AGBL1: variants seen among roughly 807,000 people sequenced by gnomAD.
AGBL1 encodes the protein cytosolic carboxypeptidase 4.
Under a neutral mutation model 118.9 loss-of-function variants are expected in AGBL1, and 130 were observed. That is an observed-to-expected ratio of 1.09 (90% CI 0.95 to 1.26). AGBL1 has a LOEUF of 1.26. Ranked by LOEUF, AGBL1 falls within the 50% of genes most tolerant of loss-of-function variation. The pLI, the probability that AGBL1 is intolerant of heterozygous loss-of-function variation, is 0.00. For missense variants in AGBL1, 1,584 were observed against 1,298.1 expected (o/e 1.22, Z -3.38); for synonymous variants, 555 against 478.9 (o/e 1.16, Z -2.08).
At chr15:86,570,408 G>A (rs1206793558) in intron 21 of AGBL1, among the ~76,000 whole-genome samples, 1 of 152,230 alleles carries the variant, frequency 6.6e-6, no homozygotes, top group Non-Finnish European at 1.5e-5. Context: ...ACACTCAAGA[G>A]AGAGTCATGT....
rs142099494 is a variant in AGBL1, at chr15:86,351,075, C to T, written c.2375-46291C>T. ...TGCATAGTTATGCCAGACCTACTGT[C>T]TTAGTCTGTTTTGTGCTGCTAGGCT... On this transcript the variant is annotated intron_variant, in intron 17 of 22. Transcript: ENST00000614907. Among the ~76,000 whole-genome samples, 399 of 152,318 alleles carry T rather than the reference C, an allele frequency of 2.6e-3. 2 individuals are homozygous for T. The highest frequency in any genetic ancestry group is 9.1e-3 in the African/African-American group (380 of 41,576).
chr15:87,022,886 G>A (rs2081680316), intron 24 of AGBL1, among the ~76,000 whole-genome samples: 1 of 151,916 alleles, frequency 6.6e-6, no homozygotes, highest in African/African-American at 2.4e-5. Flanking sequence ...GAAAGATACA[G>A]TCTTTTTCAG....
intron 11 of AGBL1, among the ~76,000 whole-genome samples, chr15:86,265,794 T>C (rs7181181): frequency 0.65 from 99,215 of 152,086 alleles, 34,260 homozygotes; most frequent in African/African-American, 0.87. Flanking sequence ...CACACCTCCC[T>C]TATGAACTGG....
chr15:86,539,228 T>C (rs1434651735), intron 19 of AGBL1, among the ~76,000 whole-genome samples: 4 of 152,238 alleles, frequency 2.6e-5, no homozygotes, highest in African/African-American at 9.6e-5. Context: ...TTTCTTCCTA[T>C]GTTCCTTGCC....
intron 18 of AGBL1, among the ~76,000 whole-genome samples, chr15:86,475,875 C>G (rs1373853613): frequency 1.3e-5 from 2 of 152,214 alleles, no homozygotes; most frequent in African/African-American, 2.4e-5. Context: ...CAGCGGATCT[C>G]TCAGCAGAAA....
intron 22 of AGBL1, among the ~76,000 whole-genome samples, chr15:86,894,851 A>G (rs2080100133): frequency 6.6e-6 from 1 of 152,218 alleles, no homozygotes; most frequent in South Asian, 2.1e-4. Flanking sequence ...CAAAGAGCTG[A>G]ATGCAAGCTT....
At chr15:86,681,717 A>T (rs1447038906) in intron 22 of AGBL1, among the ~76,000 whole-genome samples, 2 of 152,160 alleles carry the variant, frequency 1.3e-5, no homozygotes, top group South Asian at 4.1e-4. Context: ...GGATGTAGAG[A>T]GGTCCTCTTG....
At chr15:86,337,734 A>C (rs999766007) in intron 17 of AGBL1, among the ~76,000 whole-genome samples, 1 of 152,170 alleles carries the variant, frequency 6.6e-6, no homozygotes, top group Non-Finnish European at 1.5e-5. Flanking sequence ...GGAGAGCATT[A>C]GGGAAAAAGC....
At chr15:86,703,418 T>C (rs1451781305) in intron 22 of AGBL1, among the ~76,000 whole-genome samples, 1 of 152,174 alleles carries the variant, frequency 6.6e-6, no homozygotes, top group Non-Finnish European at 1.5e-5. Context: ...TTGTTTATGT[T>C]TCCATTTCCG....
intron 22 of AGBL1, among the ~76,000 whole-genome samples, chr15:86,827,937 G>GTTTTTTTTTTTTTT (rs71460225): frequency 1.3e-4 from 1 of 7,800 alleles, no homozygotes; most frequent in Non-Finnish European, 2.2e-4. Context: ...TTGATGTAGG[G>GTTTTTTTTTTTTTT]CTTTTTTTTT....
At chr15:86,820,455 T>G (rs1046615640) in intron 22 of AGBL1, among the ~76,000 whole-genome samples, 3 of 151,044 alleles carry the variant, frequency 2.0e-5, no homozygotes, top group Non-Finnish European at 3.0e-5. Flanking sequence ...TGAGAAACAA[T>G]CCCATCAAAA....
chr15:87,013,066 T>TACAA, intron 24 of AGBL1, among the ~76,000 whole-genome samples: 2 of 152,228 alleles, frequency 1.3e-5, no homozygotes, highest in Admixed American at 6.5e-5. Context: ...TCTTGTAGCC[T>TACAA]GAATTAGTTT....
At chr15:86,958,666 AT>A (rs997092019) in intron 23 of AGBL1, among the ~76,000 whole-genome samples, 24 of 152,164 alleles carry the variant, frequency 1.6e-4, no homozygotes, top group African/African-American at 5.8e-4. Context: ...GCAATATATA[AT>A]TTTTTATCAG....
chr15:86,929,251 T>G (rs2080579103), intron 23 of AGBL1, among the ~76,000 whole-genome samples: 1 of 152,234 alleles, frequency 6.6e-6, no homozygotes, highest in East Asian at 1.9e-4. Context: ...AGTAGTGACA[T>G]CTGGTCTGGC....
intron 22 of AGBL1, among the ~76,000 whole-genome samples, chr15:86,853,756 C>T (rs1309384439): frequency 6.6e-6 from 1 of 152,194 alleles, no homozygotes; most frequent in East Asian, 1.9e-4. Context: ...CAAAAGATCG[C>T]TTGTGCCCAT....
At chr15:86,559,791 G>A (rs1158111279) in intron 21 of AGBL1, among the ~76,000 whole-genome samples, 1 of 152,072 alleles carries the variant, frequency 6.6e-6, no homozygotes, top group Non-Finnish European at 1.5e-5. Context: ...TTTGAAGCCA[G>A]ACAGATATGT....
intron 1 of AGBL1, among the ~76,000 whole-genome samples, chr15:86,096,355 C>A (rs1241399455): frequency 6.6e-6 from 1 of 152,082 alleles, no homozygotes; most frequent in Non-Finnish European, 1.5e-5. Context: ...ACGGACATTT[C>A]CCAAAAGAAG....
chr15:86,816,231 A>G (rs1380794841), intron 22 of AGBL1, among the ~76,000 whole-genome samples: 4 of 152,222 alleles, frequency 2.6e-5, no homozygotes, highest in African/African-American at 9.6e-5. Context: ...GCGAGGTCTT[A>G]TTCACAAAGG....
At chr15:86,252,857 A>G (rs1597626896) in intron 7 of AGBL1, among the ~76,000 whole-genome samples, 1 of 152,210 alleles carries the variant, frequency 6.6e-6, no homozygotes, top group African/African-American at 2.4e-5. Flanking sequence ...TCCATTTAAG[A>G]TATTTTTATA....
Sources: allele counts gnomAD v4.1 joint callset (sites outside exome capture counted in the v4.1 genomes callset), GRCh38; gene constraint gnomAD v4.1.1; transcripts MANE v1.5; gene names NCBI Gene and HGNC (gene_info 2026-07-23, HGNC 2026-07-21).